CYP7B1: variants seen among roughly 807,000 people sequenced by gnomAD.
CYP7B1 encodes cytochrome P450 family 7 subfamily B member 1.
In CYP7B1, 29 loss-of-function variants were observed where a neutral mutation model predicts 42.7. The ratio of observed to expected loss-of-function variants is 0.68; its 90% CI spans 0.51 to 0.93. The LOEUF (loss-of-function observed/expected upper bound fraction) is 0.93, where lower values mean the gene tolerates loss of function less well. CYP7B1 is among the 40% of genes least tolerant of loss of function. The pLI is 0.00. For missense variants in CYP7B1, 655 were observed against 600.5 expected (o/e 1.09, Z -0.95); for synonymous variants, 235 against 218.2 (o/e 1.08, Z -0.68).
chr8:64,721,132 C>A (rs1807229354), intron 1 of CYP7B1, among the ~76,000 whole-genome samples: 1 of 151,442 alleles, frequency 6.6e-6, no homozygotes, highest in Admixed American at 6.6e-5. Context: ...AACTTTCTTG[C>A]TATTTTTTGC....
At chr8:64,677,106 T>C (rs1806457643) in intron 1 of CYP7B1, among the ~76,000 whole-genome samples, 1 of 152,020 alleles carries the variant, frequency 6.6e-6, no homozygotes, top group Non-Finnish European at 1.5e-5. Context: ...ACGAACAATT[T>C]GAATTAAGCT....
chr8:64,707,113 G>T (rs560401341), intron 1 of CYP7B1, among the ~76,000 whole-genome samples: 2 of 151,994 alleles, frequency 1.3e-5, no homozygotes, highest in African/African-American at 4.8e-5. Context: ...CAACATATGC[G>T]TATGCAAAAC....
At chr8:64,785,652 G>T (rs58303167) in intron 1 of CYP7B1, among the ~76,000 whole-genome samples, 12,233 of 151,990 alleles carry the variant, frequency 0.08, 735 homozygotes, top group African/African-American at 0.16. Context: ...TTTAAAGAAG[G>T]TAAAACTAGG....
At chr8:64,712,846 G>A (rs750924632) in intron 1 of CYP7B1, among the ~76,000 whole-genome samples, 1 of 151,710 alleles carries the variant, frequency 6.6e-6, no homozygotes, top group Non-Finnish European at 1.5e-5. Flanking sequence ...CTGTGAGGCC[G>A]AAAGAGAGAA....
At chr8:64,656,014 T>A (rs1472119535) in intron 1 of CYP7B1, among the ~76,000 whole-genome samples, 1 of 151,540 alleles carries the variant, frequency 6.6e-6, no homozygotes, top group Non-Finnish European at 1.5e-5. Flanking sequence ...TACTTGAGGG[T>A]GGAGGGTGGG....
At chr8:64,788,622 G>A (rs974663078) in intron 1 of CYP7B1, among the ~76,000 whole-genome samples, 1 of 152,188 alleles carries the variant, frequency 6.6e-6, no homozygotes, top group African/African-American at 2.4e-5. Context: ...GGCCACCTGA[G>A]ACCCTGAACT....
At chr8:64,791,331 T>C (rs1273067725) in intron 1 of CYP7B1, among the ~76,000 whole-genome samples, 7 of 152,342 alleles carry the variant, frequency 4.6e-5, no homozygotes, top group African/African-American at 1.7e-4. Flanking sequence ...GTCCTAATTC[T>C]TGAAGCCTAT....
intron 1 of CYP7B1, among the ~76,000 whole-genome samples, chr8:64,697,290 T>C (rs1043766435): frequency 2.6e-5 from 4 of 152,234 alleles, no homozygotes; most frequent in African/African-American, 4.8e-5. Context: ...TGAACTCTTA[T>C]AATTATACTC....
At chr8:64,678,955 C>T (rs1322559715) in intron 1 of CYP7B1, among the ~76,000 whole-genome samples, 3 of 151,234 alleles carry the variant, frequency 2.0e-5, no homozygotes, top group Admixed American at 6.6e-5. Context: ...TTCTGAAAAG[C>T]AAGACAGCAT....
chr8:64,718,602 TC>T (rs1807191745), intron 1 of CYP7B1, among the ~76,000 whole-genome samples: 1 of 152,164 alleles, frequency 6.6e-6, no homozygotes, highest in South Asian at 2.1e-4. Context: ...CTTGGGTCTA[TC>T]CCCCAAAAGC....
At position 64,594,796 on chromosome 8, in the gene CYP7B1, G is replaced by A. The variant is rs1045014880; in HGVS notation, c.*1846C>T. Among the ~76,000 whole-genome samples the A allele has an allele frequency of 3.9e-5, 6 of 152,222 alleles. No homozygotes were observed. Among genetic ancestry groups the A allele is most frequent in the Admixed American group, 3.9e-4 (6 of 15,276 alleles). ...GGAGTGTAAGTTAGAGATACAAAGT[G>A]TGGTGAGAAAAGATCAAAGGATGTA... On this transcript the variant is annotated 3_prime_UTR_variant, in exon 6 of 6. Coordinates refer to ENST00000310193, the MANE Select transcript of CYP7B1 (RefSeq NM_004820.5).
intron 1 of CYP7B1, among the ~76,000 whole-genome samples, chr8:64,749,108 T>A (rs949300375): frequency 2.6e-5 from 4 of 151,912 alleles, no homozygotes; most frequent in Non-Finnish European, 5.9e-5. Context: ...TGAGACGGAG[T>A]CTTGCTCTGT....
chr8:64,723,233 T>C (rs1394467881), intron 1 of CYP7B1, among the ~76,000 whole-genome samples: 1 of 152,216 alleles, frequency 6.6e-6, no homozygotes, highest in African/African-American at 2.4e-5. Flanking sequence ...TTCTACAGTT[T>C]ATGGTGCTTT....
At chr8:64,638,461 C>T (rs909665246) in intron 1 of CYP7B1, among the ~76,000 whole-genome samples, 4 of 152,126 alleles carry the variant, frequency 2.6e-5, no homozygotes, top group Non-Finnish European at 5.9e-5. Context: ...AAAGAGTTAA[C>T]ATTAACCAAT....
intron 1 of CYP7B1, among the ~76,000 whole-genome samples, chr8:64,723,659 A>T (rs1807278204): frequency 6.6e-6 from 1 of 152,220 alleles, no homozygotes; most frequent in Non-Finnish European, 1.5e-5. Context: ...CAATCTAAAG[A>T]TATCTGTTAA....
intron 1 of CYP7B1, among the ~76,000 whole-genome samples, chr8:64,741,281 T>G (rs1253967142): frequency 6.6e-6 from 1 of 152,082 alleles, no homozygotes; most frequent in African/African-American, 2.4e-5. Context: ...AAATTTTCTT[T>G]GCGCATAACA....
chr8:64,657,162 A>G (rs865873328), intron 1 of CYP7B1, among the ~76,000 whole-genome samples: 8 of 152,196 alleles, frequency 5.3e-5, no homozygotes, highest in Admixed American at 4.6e-4. Flanking sequence ...GAAGCAGATA[A>G]AACAAGTATC....
intron 4 of CYP7B1, among the ~76,000 whole-genome samples, chr8:64,609,870 C>CCTTT (rs1207898200): frequency 6.6e-6 from 1 of 152,126 alleles, no homozygotes; most frequent in East Asian, 1.9e-4. Flanking sequence ...TTAACTAAAA[C>CCTTT]CTTTCAGTTA....
rs13252585 is a variant in CYP7B1, at chr8:64,675,618, C to A, written c.123-51079G>T. ...ATATTACTAATTATTACTTAACTAT[C>A]ACTAAATGATTCTGTCATATAGAAG... On this transcript the variant is annotated intron_variant, in intron 1 of 5. Coordinates refer to ENST00000310193, the MANE Select transcript of CYP7B1 (RefSeq NM_004820.5). Among the ~76,000 whole-genome samples the A allele has an allele frequency of 6.4e-3, 975 of 151,952 alleles. 2 individuals are homozygous for A. Among genetic ancestry groups the A allele is most frequent in the Middle Eastern group, 0.01 (3 of 292 alleles).
Sources: gnomAD v4.1 joint callset for allele counts (sites outside exome capture counted in the v4.1 genomes callset) on GRCh38, gnomAD v4.1.1 for gene constraint, MANE v1.5 for transcripts, NCBI Gene and HGNC (gene_info 2026-07-23, HGNC 2026-07-21) for gene names.